Variants in GALNT13 observed in about 807,000 individuals in gnomAD.
The protein encoded by GALNT13 is UDP-GalNAc:polypeptide N-acetylgalactosaminyltransferase 13.
GALNT13 carries 28 observed loss-of-function variants against 64.2 expected under a neutral mutation model. The ratio of observed to expected loss-of-function variants is 0.44; its 90% CI spans 0.32 to 0.60. GALNT13 has a LOEUF of 0.60. GALNT13 is among the 20% of genes least tolerant of loss of function. GALNT13 has a pLI of 0.05. For missense variants in GALNT13, 577 were observed against 669.8 expected (o/e 0.86, Z 1.53); for synonymous variants, 214 against 224.6 (o/e 0.95, Z 0.42).
chr2:154,236,871 A>G (rs1255069868), intron 4 of GALNT13, among the ~76,000 whole-genome samples: 1 of 152,038 alleles, frequency 6.6e-6, no homozygotes, highest in Non-Finnish European at 1.5e-5. Flanking sequence ...GTTTTAATGA[A>G]GTGATCCCAG....
the GALNT13 span, among the ~76,000 whole-genome samples, chr2:153,860,565 A>G: frequency 6.6e-6 from 1 of 152,002 alleles, no homozygotes; most frequent in African/African-American, 2.4e-5. Flanking sequence ...ACTTCTATCC[A>G]TATGCAAAGC....
At chr2:153,565,009 T>A in the GALNT13 span, among the ~76,000 whole-genome samples, 7 of 152,216 alleles carry the variant, frequency 4.6e-5, no homozygotes, top group Non-Finnish European at 5.9e-5. Context: ...GGAAATGCAT[T>A]CTTCTAACAA....
intron 3 of GALNT13, among the ~76,000 whole-genome samples, chr2:154,001,236 T>C (rs1185998015): frequency 6.6e-6 from 1 of 152,004 alleles, no homozygotes; most frequent in Non-Finnish European, 1.5e-5. Flanking sequence ...TTAAAAAATG[T>C]TATATAGTCA....
intron 3 of GALNT13, among the ~76,000 whole-genome samples, chr2:154,114,969 A>G (rs1703201381): frequency 6.6e-6 from 1 of 152,144 alleles, no homozygotes; most frequent in Admixed American, 6.5e-5. Flanking sequence ...TTTGTAGTTG[A>G]GTGACTGTGG....
chr2:154,334,585 G>A (rs17811007), intron 9 of GALNT13, among the ~76,000 whole-genome samples: 2 of 147,470 alleles, frequency 1.4e-5, no homozygotes, highest in Non-Finnish European at 3.0e-5. Flanking sequence ...CCACTTATTT[G>A]CTTGCATCAG....
intron 3 of GALNT13, among the ~76,000 whole-genome samples, chr2:154,120,463 G>C (rs1681876816): frequency 6.6e-6 from 1 of 152,156 alleles, no homozygotes; most frequent in Non-Finnish European, 1.5e-5. Context: ...TTCCTGTTAG[G>C]TTGAAGCCAT....
At chr2:153,124,975 G>A in the GALNT13 span, among the ~76,000 whole-genome samples, 1,947 of 152,216 alleles carry the variant, frequency 0.013, 22 homozygotes, top group Non-Finnish European at 0.02. Flanking sequence ...TGAAGCTATC[G>A]TTGTATTAAT....
At chr2:153,905,773 T>C (rs932276603) in intron 2 of GALNT13, among the ~76,000 whole-genome samples, 2 of 152,060 alleles carry the variant, frequency 1.3e-5, no homozygotes, top group African/African-American at 2.4e-5. Flanking sequence ...GGAAACACTT[T>C]ATGGCTTCTC....
At chr2:153,137,105 T>C in the GALNT13 span, among the ~76,000 whole-genome samples, 17 of 152,006 alleles carry the variant, frequency 1.1e-4, no homozygotes, top group African/African-American at 4.1e-4. Context: ...TTCCCAGTCA[T>C]ACAAGCAAAA....
chr2:153,880,255 T>A (rs773246206), intron 1 of GALNT13, among the ~76,000 whole-genome samples: 3 of 152,148 alleles, frequency 2.0e-5, no homozygotes, highest in Non-Finnish European at 2.9e-5. Flanking sequence ...TAATTTATAA[T>A]CACTTGTGAA....
chr2:154,165,250 T>C (rs779013834), intron 4 of GALNT13, among the ~76,000 whole-genome samples: 2 of 152,158 alleles, frequency 1.3e-5, no homozygotes, highest in Non-Finnish European at 2.9e-5. Context: ...TGGGGAACTT[T>C]TACCTCCTTC....
At chr2:153,553,389 C>T in the GALNT13 span, among the ~76,000 whole-genome samples, 1 of 151,994 alleles carries the variant, frequency 6.6e-6, no homozygotes, top group Non-Finnish European at 1.5e-5. Flanking sequence ...GTAGTCCCAG[C>T]TACTCAGGAG....
the GALNT13 span, among the ~76,000 whole-genome samples, chr2:153,628,031 G>C: frequency 6.6e-6 from 1 of 152,162 alleles, no homozygotes; most frequent in Non-Finnish European, 1.5e-5. Context: ...TCATTGAGCA[G>C]TGGTTTGTAG....
At chr2:153,473,035 C>T in the GALNT13 span, among the ~76,000 whole-genome samples, 22 of 151,388 alleles carry the variant, frequency 1.5e-4, no homozygotes, top group East Asian at 3.5e-3. Flanking sequence ...GGCTTGTCGG[C>T]GGGTGGGGGG....
the GALNT13 span, among the ~76,000 whole-genome samples, chr2:153,375,752 C>CCTTCAAGTAGG: frequency 6.6e-6 from 1 of 152,164 alleles, no homozygotes; most frequent in Non-Finnish European, 1.5e-5. Context: ...GTTGATCCCT[C>CCTTCAAGTAGG]AGCTGAGTCC....
Position 154,438,634 on chromosome 2 carries a change from T to C in GALNT13, c.1438T>C (p.Leu480=), listed in dbSNP as rs368553596. The change falls in exon 12 of 13, where the codon TTG becomes CTG. Residue 480 remains leucine, a synonymous_variant. Coordinates refer to ENST00000392825, the MANE Select transcript of GALNT13 (RefSeq NM_052917.4). ...TGACAAAGAAATCCGAACCGATGAC[T>C]TGTGCTTGGATGTTTCTAGACTCAA... ...TADKEIRTDD[L]CLDVSRLNGP... is the part of the protein sequence containing the mutation. 2 of 1,612,726 alleles carry C rather than the reference T, an allele frequency of 1.2e-6. No individual in the cohort carries two copies. Among genetic ancestry groups the C allele is most frequent in the African/African-American group, 2.7e-5 (2 of 74,892 alleles).
intron 3 of GALNT13, among the ~76,000 whole-genome samples, chr2:154,070,858 T>C (rs991778429): frequency 1.7e-4 from 26 of 151,164 alleles, no homozygotes; most frequent in South Asian, 2.1e-4. Flanking sequence ...CAGGTTGCAG[T>C]GAGCCGAGAT....
chr2:154,380,493 G>A (rs934726693), intron 9 of GALNT13, among the ~76,000 whole-genome samples: 1 of 152,032 alleles, frequency 6.6e-6, no homozygotes, highest in East Asian at 1.9e-4. Context: ...TATATATTAA[G>A]AAATTAAATG....
At chr2:154,356,491 TG>T (rs1422718354) in intron 9 of GALNT13, among the ~76,000 whole-genome samples, 9 of 151,670 alleles carry the variant, frequency 5.9e-5, no homozygotes, top group Non-Finnish European at 1.0e-4. Flanking sequence ...TTGTATAGGG[TG>T]GATGTCACAG....
Sources: gnomAD v4.1 joint callset for allele counts (sites outside exome capture counted in the v4.1 genomes callset) on GRCh38, gnomAD v4.1.1 for gene constraint, MANE v1.5 for transcripts, NCBI Gene and HGNC (gene_info 2026-07-23, HGNC 2026-07-21) for gene names.